HYCC1: variants seen among roughly 807,000 people sequenced by gnomAD.
The protein encoded by HYCC1 is hyccin.
At chr7:22,942,874 T>C in the HYCC1 span, 2 of 152,224 alleles carry the variant, frequency 1.3e-5, no homozygotes, top group African/African-American at 4.8e-5. Context: ...TTTCAATGTG[T>C]AATCCTTATT....
At chr7:22,972,123 G>T in the HYCC1 span, among the ~76,000 whole-genome samples, 1 of 152,196 alleles carries the variant, frequency 6.6e-6, no homozygotes, top group Non-Finnish European at 1.5e-5. Flanking sequence ...CATAGTGAAT[G>T]TGTGTGCTCA....
the HYCC1 span, chr7:22,945,765 G>A: frequency 1.9e-6 from 3 of 1,613,800 alleles, no homozygotes; most frequent in Non-Finnish European, 2.5e-6. Context: ...GACGGGTTAT[G>A]TGGGACTGTG....
the HYCC1 span, among the ~76,000 whole-genome samples, chr7:23,002,491 C>T: frequency 6.6e-6 from 1 of 152,198 alleles, no homozygotes; most frequent in East Asian, 1.9e-4. Flanking sequence ...TAAACACTTT[C>T]TCCTTGCCAA....
chr7:22,940,253 T>TTG, the HYCC1 span: 3 of 128,616 alleles, frequency 2.3e-5, no homozygotes, highest in African/African-American at 8.7e-5. Flanking sequence ...TTTTTTTTTT[T>TTG]TTTTTTTTTT....
the HYCC1 span, among the ~76,000 whole-genome samples, chr7:23,010,814 C>T: frequency 1.5e-3 from 236 of 152,268 alleles, 3 homozygotes; most frequent in African/African-American, 5.5e-3. Context: ...AAATGCACAG[C>T]CAAGATTGAG....
the HYCC1 span, among the ~76,000 whole-genome samples, chr7:22,898,488 AG>A: frequency 1.3e-5 from 2 of 149,484 alleles, no homozygotes; most frequent in Non-Finnish European, 3.0e-5. Context: ...CTGGGATTAC[AG>A]GTGTGAGCCA....
the HYCC1 span, chr7:22,941,381 A>G: frequency 6.6e-6 from 1 of 152,198 alleles, no homozygotes; most frequent in African/African-American, 2.4e-5. Flanking sequence ...GTTTATTTCC[A>G]TAGCCTTAAG....
the HYCC1 span, chr7:22,936,673 T>A: frequency 6.6e-6 from 1 of 152,122 alleles, no homozygotes; most frequent in African/African-American, 2.4e-5. Context: ...ATGGTGTAGA[T>A]CTGTATCTTG....
At chr7:22,993,227 T>C in the HYCC1 span, among the ~76,000 whole-genome samples, 1 of 152,128 alleles carries the variant, frequency 6.6e-6, no homozygotes, top group Non-Finnish European at 1.5e-5. Flanking sequence ...TCATGCTGTA[T>C]GCAAAAATAA....
the HYCC1 span, chr7:22,942,588 T>C: frequency 0.39 from 59,841 of 151,988 alleles, 11,747 homozygotes; most frequent in East Asian, 0.51. Flanking sequence ...CAAGAATCTA[T>C]AGAGATTTAA....
chr7:22,905,946 G>C, the HYCC1 span, among the ~76,000 whole-genome samples: 1 of 152,146 alleles, frequency 6.6e-6, no homozygotes, highest in Non-Finnish European at 1.5e-5. Context: ...CATTAAGTTA[G>C]ATTACATTAA....
chr7:22,994,415 G>A, the HYCC1 span, among the ~76,000 whole-genome samples: 280 of 152,210 alleles, frequency 1.8e-3, 2 homozygotes, highest in Middle Eastern at 6.8e-3. Context: ...TGCTCTTGAG[G>A]GGCCTATCTT....
the HYCC1 span, among the ~76,000 whole-genome samples, chr7:22,916,216 G>A: frequency 3.2e-4 from 48 of 152,070 alleles, no homozygotes; most frequent in East Asian, 1.4e-3. Context: ...TCCAAAAACC[G>A]GACAAGTCTT....
the HYCC1 span, among the ~76,000 whole-genome samples, chr7:22,898,866 G>A: frequency 7.9e-5 from 12 of 152,148 alleles, no homozygotes; most frequent in Non-Finnish European, 1.5e-5. Context: ...CTCCCAAAGT[G>A]CTGGGATTAT....
chr7:22,896,161 TA>T, the HYCC1 span, among the ~76,000 whole-genome samples: 2 of 152,122 alleles, frequency 1.3e-5, no homozygotes, highest in Non-Finnish European at 2.9e-5. Flanking sequence ...TATAATTACT[TA>T]AAAAAATGTT....
chr7:22,924,223 G>C, the HYCC1 span, among the ~76,000 whole-genome samples: 1 of 150,632 alleles, frequency 6.6e-6, no homozygotes, highest in African/African-American at 2.4e-5. Flanking sequence ...TGGCCGAATA[G>C]GAACAGCTGC....
At chr7:22,927,499 G>A in the HYCC1 span, among the ~76,000 whole-genome samples, 1 of 151,976 alleles carries the variant, frequency 6.6e-6, no homozygotes, top group Admixed American at 6.6e-5. Flanking sequence ...ATGACAAAGG[G>A]GATATCACCA....
chr7:22,935,256 T>C, the HYCC1 span: 1 of 152,230 alleles, frequency 6.6e-6, no homozygotes, highest in African/African-American at 2.4e-5. Flanking sequence ...AGACTGTATT[T>C]GAAAAATTGT....
the HYCC1 span, among the ~76,000 whole-genome samples, chr7:22,961,870 T>C: frequency 7.9e-4 from 120 of 152,128 alleles, no homozygotes; most frequent in African/African-American, 2.6e-3. Flanking sequence ...TGTGTGTGTG[T>C]GCATGTGTGA....
Sources: gnomAD v4.1 joint callset for allele counts (sites outside exome capture counted in the v4.1 genomes callset) on GRCh38, gnomAD v4.1.1 for gene constraint, MANE v1.5 for transcripts, NCBI Gene and HGNC (gene_info 2026-07-23, HGNC 2026-07-21) for gene names.